The following HSD17B12 variants were observed in gnomAD, a reference collection of about 807,000 sequenced individuals.
HSD17B12 encodes hydroxysteroid 17-beta dehydrogenase 12, also known as very-long-chain 3-oxoacyl-CoA reductase.
A neutral mutation model predicts 39.3 loss-of-function variants in HSD17B12; 32 were observed. The observed-to-expected ratio is 0.81, with a 90% confidence interval of 0.61 to 1.09. HSD17B12 has a LOEUF of 1.09. Among genes scored for constraint, HSD17B12 ranks in the 50% least tolerant of loss-of-function variants. The pLI is 0.00. For synonymous variants in HSD17B12, 150 were observed against 146.7 expected (o/e 1.02, Z -0.16); for missense variants, 342 against 382.9 (o/e 0.89, Z 0.89).
chr11:43,753,959 C>A, intron 2 of HSD17B12, 87 bp from the exon 3 acceptor site: 1 of 746,886 alleles, frequency 1.3e-6, no homozygotes, highest in Non-Finnish European at 2.2e-6. Flanking sequence ...ATCATCTGGA[C>A]AGGTTTTCTT....
At chr11:43,690,603 C>T (rs867509481) in intron 1 of HSD17B12, among the ~76,000 whole-genome samples, 1 of 150,758 alleles carries the variant, frequency 6.6e-6, no homozygotes. Flanking sequence ...TTTTTACATT[C>T]TCTTATCAGC....
chr11:43,789,549 A>G (rs1285811513), intron 3 of HSD17B12, among the ~76,000 whole-genome samples: 1 of 152,178 alleles, frequency 6.6e-6, no homozygotes, highest in Admixed American at 6.5e-5. Context: ...TTAGAATGGG[A>G]AATCTTTTTG....
chr11:43,714,151 G>A (rs564982324), intron 1 of HSD17B12, among the ~76,000 whole-genome samples: 1 of 152,118 alleles, frequency 6.6e-6, no homozygotes, highest in South Asian at 2.1e-4. Flanking sequence ...GTCAATTTTG[G>A]CTTTTGTTGC....
chr11:43,656,474 G>A, the HSD17B12 span, among the ~76,000 whole-genome samples: 1 of 151,774 alleles, frequency 6.6e-6, no homozygotes, highest in Non-Finnish European at 1.5e-5. Context: ...GCTTCTCTAG[G>A]TCTTTTAATT....
chr11:43,597,719 C>T, the HSD17B12 span, among the ~76,000 whole-genome samples: 2 of 152,282 alleles, frequency 1.3e-5, no homozygotes, highest in Admixed American at 6.5e-5. Flanking sequence ...GATCTTGGCT[C>T]GCTGCAACCT....
the HSD17B12 span, among the ~76,000 whole-genome samples, chr11:43,626,440 A>C: frequency 6.6e-6 from 1 of 151,860 alleles, no homozygotes; most frequent in East Asian, 1.9e-4. Flanking sequence ...AACATGTTAC[A>C]CATTCACTTG....
chr11:43,602,427 C>CT, the HSD17B12 span, among the ~76,000 whole-genome samples: 1 of 152,116 alleles, frequency 6.6e-6, no homozygotes, highest in Non-Finnish European at 1.5e-5. Context: ...AAATTTGGTC[C>CT]TTTTGTACAA....
chr11:43,772,908 T>C (rs1211122819), intron 3 of HSD17B12, among the ~76,000 whole-genome samples: 2 of 152,116 alleles, frequency 1.3e-5, no homozygotes, highest in Non-Finnish European at 2.9e-5. Context: ...CCCAGGCGTT[T>C]GAGACCAGCC....
intron 6 of HSD17B12, among the ~76,000 whole-genome samples, chr11:43,818,481 G>A (rs1291015613): frequency 6.6e-6 from 1 of 152,126 alleles, no homozygotes; most frequent in African/African-American, 2.4e-5. Context: ...ATACATACCA[G>A]AGCAGTGAAA....
the HSD17B12 span, among the ~76,000 whole-genome samples, chr11:43,598,446 C>T: frequency 1.3e-5 from 2 of 150,850 alleles, no homozygotes; most frequent in African/African-American, 2.4e-5. Context: ...GAAGCTGATT[C>T]GCTCTTCTTG....
In HSD17B12 at chr11:43,741,890, C is replaced by T. The variant is rs566223156; in HGVS notation, c.161-9021C>T. On this transcript the variant is annotated intron_variant, in intron 1 of 10. Coordinates refer to ENST00000278353, the MANE Select transcript of HSD17B12 (RefSeq NM_016142.3). ...CTGGGACTACAGGCGCCTGCCACCA[C>T]GCCTGGCTAATTTTTTTGTGTTTTT... Among the ~76,000 whole-genome samples the T allele has an allele frequency of 8.5e-4, 128 of 150,300 alleles. 1 individual carries two copies. Among genetic ancestry groups the T allele is most frequent in the Non-Finnish European group, 1.8e-4 (12 of 67,550 alleles).
chr11:43,754,232 G>T (rs1950490329), intron 3 of HSD17B12, 111 bp downstream of exon 3: 1 of 737,284 alleles, frequency 1.4e-6, no homozygotes, highest in Admixed American at 2.4e-5. Flanking sequence ...TTCAAGGAGA[G>T]ATATCATTAA....
At chr11:43,744,287 C>T (rs1162032414) in intron 1 of HSD17B12, among the ~76,000 whole-genome samples, 2 of 151,830 alleles carry the variant, frequency 1.3e-5, no homozygotes, top group African/African-American at 4.8e-5. Flanking sequence ...GGAAAAACAC[C>T]CACTCATTTG....
At chr11:43,716,652 T>C (rs1950125914) in intron 1 of HSD17B12, among the ~76,000 whole-genome samples, 1 of 151,068 alleles carries the variant, frequency 6.6e-6, no homozygotes, top group Non-Finnish European at 1.5e-5. Flanking sequence ...ATTAACAATC[T>C]AGTTGGGACA....
chr11:43,768,844 A>G (rs1424557550), intron 3 of HSD17B12, among the ~76,000 whole-genome samples: 2 of 146,052 alleles, frequency 1.4e-5, no homozygotes, highest in African/African-American at 2.7e-5. Flanking sequence ...GGTCCATTTT[A>G]CAGAGTGCTG....
chr11:43,572,325 A>G, the HSD17B12 span, among the ~76,000 whole-genome samples: 1 of 152,216 alleles, frequency 6.6e-6, no homozygotes, highest in Non-Finnish European at 1.5e-5. Flanking sequence ...TTCAGGGGGC[A>G]TCTATTCGCT....
At chr11:43,700,261 T>G (rs1354239032) in intron 1 of HSD17B12, among the ~76,000 whole-genome samples, 1 of 152,146 alleles carries the variant, frequency 6.6e-6, no homozygotes, top group Non-Finnish European at 1.5e-5. Context: ...TATATATTTT[T>G]GGGGTACATG....
the HSD17B12 span, among the ~76,000 whole-genome samples, chr11:43,653,375 G>C: frequency 6.6e-6 from 1 of 151,860 alleles, no homozygotes; most frequent in South Asian, 2.1e-4. Flanking sequence ...AATCTTTGAG[G>C]TCTTGGTTGA....
chr11:43,762,268 G>C (rs904903985), intron 3 of HSD17B12, among the ~76,000 whole-genome samples: 5 of 152,174 alleles, frequency 3.3e-5, no homozygotes, highest in African/African-American at 1.2e-4. Context: ...TCAGCAGCAT[G>C]CTTTTACAAA....
Sources: gnomAD v4.1 joint callset for allele counts (sites outside exome capture counted in the v4.1 genomes callset) on GRCh38, gnomAD v4.1.1 for gene constraint, MANE v1.5 for transcripts, NCBI Gene and HGNC (gene_info 2026-07-23, HGNC 2026-07-21) for gene names.